Variants in DEPDC1B observed in about 807,000 individuals in gnomAD.
DEPDC1B encodes DEP domain containing 1B, also known as DEP domain-containing protein 1B.
A neutral mutation model predicts 66.5 loss-of-function variants in DEPDC1B; 51 were observed. That is an observed-to-expected ratio of 0.77 (90% CI 0.61 to 0.97). The LOEUF is 0.97. Ranked by LOEUF, DEPDC1B falls within the 50% of genes least tolerant of loss-of-function variation. The pLI is 0.00. For missense variants in DEPDC1B, 552 were observed against 637.1 expected, an observed-to-expected ratio of 0.87 and a Z score of 1.44; for synonymous variants, 226 against 223.6, an observed-to-expected ratio of 1.01 and a Z score of -0.10.
chr5:60,632,857 A>G (rs1584047881), intron 7 of DEPDC1B, among the ~76,000 whole-genome samples: 2 of 152,196 alleles, frequency 1.3e-5, no homozygotes, highest in East Asian at 3.9e-4. Flanking sequence ...CAGGAGACTG[A>G]GGCAAGTTGC....
chr5:60,691,023 G>C (rs1754531043), intron 1 of DEPDC1B, among the ~76,000 whole-genome samples: 1 of 151,634 alleles, frequency 6.6e-6, no homozygotes, highest in East Asian at 1.9e-4. Context: ...TAGTCAATAA[G>C]CAAGTGCTTA....
chr5:60,664,850 C>T (rs747184002), intron 2 of DEPDC1B, among the ~76,000 whole-genome samples: 1 of 152,208 alleles, frequency 6.6e-6, no homozygotes, highest in Non-Finnish European at 1.5e-5. Flanking sequence ...CCTCCATGCC[C>T]GTGCAACAAT....
At chr5:60,631,204 C>T (rs1752916806) in intron 7 of DEPDC1B, among the ~76,000 whole-genome samples, 1 of 152,158 alleles carries the variant, frequency 6.6e-6, no homozygotes, top group Non-Finnish European at 1.5e-5. Flanking sequence ...AAGTGAAAAC[C>T]TTCCCATTGA....
At chr5:60,670,273 A>T (rs1754004583) in intron 2 of DEPDC1B, among the ~76,000 whole-genome samples, 1 of 152,186 alleles carries the variant, frequency 6.6e-6, no homozygotes, top group Non-Finnish European at 1.5e-5. Flanking sequence ...AGTCCCAGCT[A>T]CTATGAGGCT....
chr5:60,657,458 G>A (rs538847108), intron 2 of DEPDC1B, among the ~76,000 whole-genome samples: 1 of 152,220 alleles, frequency 6.6e-6, no homozygotes, highest in South Asian at 2.1e-4. Flanking sequence ...TCAGGATTTA[G>A]AGCTCCTTTT....
At chr5:60,660,657 C>A (rs536865307) in intron 2 of DEPDC1B, among the ~76,000 whole-genome samples, 1 of 152,268 alleles carries the variant, frequency 6.6e-6, no homozygotes, top group South Asian at 2.1e-4. Flanking sequence ...CACACCTCAC[C>A]AGTTCAGAAC....
At position 60,645,532 on chromosome 5, in the gene DEPDC1B, C is replaced by G; in HGVS notation, c.538G>C (p.Ala180Pro). The G allele has an allele frequency of 6.2e-7, 1 of 1,612,928 alleles. No individual in the cohort carries two copies. The highest frequency in any genetic ancestry group is 1.1e-5 in the South Asian group (1 of 90,970). The part of the protein sequence containing the change: ...RLVHRRQLTE[A>P]NVEEIWKSMT... ...GACTTCCATATCTCTTCTACATTGGCCTCTGTCAGCTGTCTGCGGTGGACA... is the reference window on the plus strand; with the variant it reads ...GACTTCCATATCTCTTCTACATTGGGCTCTGTCAGCTGTCTGCGGTGGACA... The change falls in exon 4 of 11, where the codon GCC becomes CCC. Residue 180 changes from alanine to proline, a missense_variant. Ala to Pro is a conservative substitution (Grantham distance 27). Transcript: ENST00000265036.
At chr5:60,689,751 G>A (rs1754501445) in intron 1 of DEPDC1B, among the ~76,000 whole-genome samples, 1 of 151,746 alleles carries the variant, frequency 6.6e-6, no homozygotes. Context: ...GGATTAAAAA[G>A]CATTTACAGG....
chr5:60,612,314 T>C (rs1752429009), intron 7 of DEPDC1B, among the ~76,000 whole-genome samples: 1 of 151,660 alleles, frequency 6.6e-6, no homozygotes, highest in Non-Finnish European at 1.5e-5. Flanking sequence ...TCCCAGCTAT[T>C]TGGGAGGCTG....
chr5:60,642,719 C>T, intron 6 of DEPDC1B, 93 bp downstream of exon 6: 1 of 850,714 alleles, frequency 1.2e-6, no homozygotes, highest in African/African-American at 1.7e-5. Context: ...ACAGGTGTCA[C>T]ATCAATGTTC....
At position 60,700,072 on chromosome 5, in the gene DEPDC1B, G is replaced by C; in HGVS notation, c.22C>G (p.Pro8Ala). The C allele has an allele frequency of 6.4e-7, 1 of 1,557,422 alleles. No individual in the cohort carries two copies. Among genetic ancestry groups the C allele is most frequent in the Non-Finnish European group, 8.7e-7 (1 of 1,152,810 alleles). ...AGCCTGGTAGCTCGGTACGGCCCGGGCCCCACGATGCGATGCTCCATGGCG... is the reference window on the plus strand; with the variant it reads ...AGCCTGGTAGCTCGGTACGGCCCGGCCCCCACGATGCGATGCTCCATGGCG... MEHRIVG[P>A]GPYRATRLWN... Residue 8 changes from proline (P) to alanine (A), a missense_variant, in exon 1 of 11, where the codon CCC (proline) becomes GCC (alanine). Pro to Ala is a conservative substitution (Grantham distance 27). Transcript: ENST00000265036.
rs1753512720 is a variant in DEPDC1B at position 60,653,782 on chromosome 5, T to A, written c.315-6249A>T. 1.3e-5 allele frequency among the ~76,000 whole-genome samples: 2 copies of A among 150,198 alleles called. 1 individual carries two copies. The highest frequency in any genetic ancestry group is 5.0e-5 in the African/African-American group (2 of 40,176). On this transcript the variant is annotated intron_variant, in intron 2 of 10. Transcript: ENST00000265036. ...AATCCATCTTGAGTTGATTTTTGCA[T>A]AAGGTGAGAGATGAGGATCCAGATT...
At chr5:60,698,146 C>G (rs1178975072) in intron 1 of DEPDC1B, among the ~76,000 whole-genome samples, 1 of 152,070 alleles carries the variant, frequency 6.6e-6, no homozygotes, top group Non-Finnish European at 1.5e-5. Flanking sequence ...TGATCAAATG[C>G]CTTATTTTCC....
intron 8 of DEPDC1B, among the ~76,000 whole-genome samples, chr5:60,605,164 C>T (rs1752283364): frequency 1.3e-5 from 2 of 152,112 alleles, no homozygotes; most frequent in Non-Finnish European, 2.9e-5. Flanking sequence ...GATACAGGGA[C>T]ATGGAAATAG....
chr5:60,602,172 A>C (rs192226286), intron 9 of DEPDC1B, among the ~76,000 whole-genome samples: 313 of 143,548 alleles, frequency 2.2e-3, no homozygotes, highest in Non-Finnish European at 3.0e-3. Flanking sequence ...GGAGGGAAGG[A>C]AGGAAGGGAG....
chr5:60,655,529 T>C (rs541562172), intron 2 of DEPDC1B, among the ~76,000 whole-genome samples: 1 of 149,458 alleles, frequency 6.7e-6, no homozygotes, highest in South Asian at 2.2e-4. Context: ...TCTTGGTTAA[T>C]CTTACTAATG....
intron 2 of DEPDC1B, among the ~76,000 whole-genome samples, chr5:60,653,856 T>C (rs528118397): frequency 2.1e-5 from 3 of 143,552 alleles, no homozygotes; most frequent in Admixed American, 1.3e-4. Flanking sequence ...ATTTGTTGAA[T>C]AGGGTGTCCT....
Position 60,645,513 on chromosome 5 carries a change from CAT to C in DEPDC1B, c.555_556del (p.Ile185MetfsTer35). On this transcript the variant is annotated frameshift_variant, in exon 4 of 11. Coordinates refer to ENST00000265036, the MANE Select transcript of DEPDC1B (RefSeq NM_018369.3). LOFTEE classifies it high-confidence loss of function. ...ATACTATGATAATGTCATAGACTTCCATATCTCTTCTACATTGGCCTCTGTCA... is the reference window on the plus strand; with the variant it reads ...ATACTATGATAATGTCATAGACTTCCATCTCTTCTACATTGGCCTCTGTCA... The C allele has an allele frequency of 6.2e-7, 1 of 1,611,080 alleles. No homozygotes were observed. Among genetic ancestry groups the C allele is most frequent in the Middle Eastern group, 1.7e-4 (1 of 6,046 alleles).
At position 60,670,257 on chromosome 5, in the gene DEPDC1B, G is replaced by A. The variant is rs371773470; in HGVS notation, c.314+16705C>T. On this transcript the variant is annotated intron_variant, in intron 2 of 10. Transcript: ENST00000265036. ...AAATTAGCCGGGCGTGGTGGCAGGCGCCTGTAGTCCCAGCTACTATGAGGC... is the reference window on the plus strand; with the variant it reads ...AAATTAGCCGGGCGTGGTGGCAGGCACCTGTAGTCCCAGCTACTATGAGGC... Among the ~76,000 whole-genome samples, 7 of 152,228 alleles carry A rather than the reference G, an allele frequency of 4.6e-5. No homozygotes were observed. The East Asian group carries it at 1.2e-3, about 25-fold the overall frequency.
Sources: allele counts gnomAD v4.1 joint callset (sites outside exome capture counted in the v4.1 genomes callset), GRCh38; gene constraint gnomAD v4.1.1; transcripts MANE v1.5; gene names NCBI Gene and HGNC (gene_info 2026-07-23, HGNC 2026-07-21).